The following SELENOF variants were observed in gnomAD, a reference collection of about 807,000 sequenced individuals.
The protein encoded by SELENOF is selenoprotein F.
In SELENOF, 16 loss-of-function variants were observed where a neutral mutation model predicts 20.5. The ratio of observed to expected loss-of-function variants is 0.78; its 90% CI spans 0.53 to 1.19. The LOEUF (loss-of-function observed/expected upper bound fraction) is 1.19, where lower values mean the gene tolerates loss of function less well. Ranked by LOEUF, SELENOF falls within the 50% of genes most tolerant of loss-of-function variation. The pLI is 0.00. For missense variants in SELENOF, 215 were observed against 194.2 expected (o/e 1.11, Z -0.64); for synonymous variants, 78 against 74.5 (o/e 1.05, Z -0.24).
intron 1 of SELENOF, among the ~76,000 whole-genome samples, chr1:86,908,009 A>C (rs957330125): frequency 1.1e-4 from 16 of 149,724 alleles, no homozygotes; most frequent in East Asian, 5.8e-4. Context: ...AAAAAAAAAA[A>C]CCAAGGCTCT....
intron 2 of SELENOF, among the ~76,000 whole-genome samples, chr1:86,902,990 T>C (rs1038073930): frequency 2.6e-5 from 4 of 152,226 alleles, no homozygotes; most frequent in African/African-American, 9.6e-5. Flanking sequence ...TTTGGCTTCA[T>C]TTGGCCAGAA....
intron 2 of SELENOF, 83 bp downstream of exon 2, chr1:86,903,198 C>T: frequency 8.1e-7 from 1 of 1,232,992 alleles, no homozygotes; most frequent in Non-Finnish European, 1.1e-6. Context: ...GGCTTTTTTA[C>T]ACTTAAATTG....
chr1:86,871,046 C>G (rs1658751757), intron 3 of SELENOF, among the ~76,000 whole-genome samples: 1 of 152,062 alleles, frequency 6.6e-6, no homozygotes, highest in Non-Finnish European at 1.5e-5. Context: ...AACGTAGATC[C>G]ATAGCTTCCT....
Position 86,887,823 on chromosome 1 carries a change from G to A in SELENOF, c.253-7098C>T, listed in dbSNP as rs141209051. ...GTATACTTTAGCTACAAGTATGAAT[G>A]ATCCAGGGTCATCACTTGGGAACAG... On this transcript the variant is annotated intron_variant, in intron 2 of 4. Transcript: ENST00000331835. Among the ~76,000 whole-genome samples the A allele has an allele frequency of 3.7e-3, 567 of 152,112 alleles. 5 individuals are homozygous for A. Among genetic ancestry groups the A allele is most frequent in the African/African-American group, 0.012 (502 of 41,478 alleles).
chr1:86,867,065 C>T (rs904721759), intron 4 of SELENOF, among the ~76,000 whole-genome samples: 5 of 152,132 alleles, frequency 3.3e-5, no homozygotes, highest in African/African-American at 1.2e-4. Flanking sequence ...TGTCCTTCCA[C>T]AGGTGAATGA....
intron 2 of SELENOF, among the ~76,000 whole-genome samples, chr1:86,884,636 T>C (rs1041634861): frequency 1.3e-5 from 2 of 152,170 alleles, no homozygotes; most frequent in Admixed American, 1.3e-4. Flanking sequence ...TTAACCAAGT[T>C]CCAACCTCAG....
Position 86,887,197 on chromosome 1 carries a change from C to A in SELENOF, c.253-6472G>T, listed in dbSNP as rs1391863787. On this transcript the variant is annotated intron_variant, in intron 2 of 4. Transcript: ENST00000331835. ...CTTGCTTAGAAACAATGGATGAATA[C>A]TGAGGATTAGGGGAAAAAAAATCAG... 3.9e-6 allele frequency: 6 copies of A among 1,540,964 alleles called. No homozygotes were observed. In the South Asian group the frequency reaches 6.1e-5, roughly 16 times the overall value.
intron 3 of SELENOF, among the ~76,000 whole-genome samples, 164 bp downstream of exon 3, chr1:86,880,498 C>T (rs1659040012): frequency 6.6e-6 from 1 of 151,218 alleles, no homozygotes; most frequent in Non-Finnish European, 1.5e-5. Context: ...TCACCAATTA[C>T]TTTAACAAAC....
chr1:86,905,548 C>G (rs759257165), intron 1 of SELENOF, among the ~76,000 whole-genome samples: 18 of 152,014 alleles, frequency 1.2e-4, no homozygotes, highest in Admixed American at 1.2e-3. Context: ...AAAACAGTAC[C>G]GTTCGTGACA....
chr1:86,887,061 C>T (rs922930761), intron 2 of SELENOF: 2 of 1,328,962 alleles, frequency 1.5e-6, no homozygotes, highest in Non-Finnish European at 2.0e-6. Flanking sequence ...ATATTATCAC[C>T]TAAACCATGT....
chr1:86,904,022 G>C (rs1193828599), intron 1 of SELENOF, among the ~76,000 whole-genome samples: 1 of 152,088 alleles, frequency 6.6e-6, no homozygotes, highest in Non-Finnish European at 1.5e-5. Context: ...CATTGTTCAT[G>C]ATGTTTATCA....
chr1:86,912,731 C>T (rs1660016204), intron 1 of SELENOF, among the ~76,000 whole-genome samples: 1 of 152,130 alleles, frequency 6.6e-6, no homozygotes. Flanking sequence ...TGGAACCTTT[C>T]GGTTTAGCTG....
chr1:86,906,851 C>T (rs1376468412), intron 1 of SELENOF, among the ~76,000 whole-genome samples: 1 of 152,174 alleles, frequency 6.6e-6, no homozygotes, highest in Non-Finnish European at 1.5e-5. Flanking sequence ...TTTTACGTCA[C>T]TAAATTTTAG....
intron 3 of SELENOF, among the ~76,000 whole-genome samples, chr1:86,873,785 G>A (rs935144957): frequency 2.6e-5 from 4 of 151,346 alleles, no homozygotes; most frequent in African/African-American, 9.7e-5. Context: ...CCAGAAGGTG[G>A]AAGTTGTGGT....
At chr1:86,907,357 G>A (rs1296055317) in intron 1 of SELENOF, among the ~76,000 whole-genome samples, 2 of 152,168 alleles carry the variant, frequency 1.3e-5, no homozygotes, top group Non-Finnish European at 2.9e-5. Context: ...GATAAGTATA[G>A]GGGAGATACA....
intron 2 of SELENOF, among the ~76,000 whole-genome samples, chr1:86,882,790 A>G (rs949901854): frequency 6.6e-6 from 1 of 152,216 alleles, no homozygotes; most frequent in Non-Finnish European, 1.5e-5. Context: ...AAAACAAAAT[A>G]TGGTATATAC....
At chr1:86,902,970 C>T (rs115853505) in intron 2 of SELENOF, among the ~76,000 whole-genome samples, 5,465 of 152,222 alleles carry the variant, frequency 0.036, 157 homozygotes, top group Non-Finnish European at 0.055. Context: ...AACAAAAGCA[C>T]CTATTATTTT....
intron 2 of SELENOF, among the ~76,000 whole-genome samples, chr1:86,892,688 C>T (rs189718101): frequency 1.1e-4 from 16 of 152,122 alleles, no homozygotes; most frequent in African/African-American, 2.9e-4. Context: ...GCTCTTTTAC[C>T]GAATTAAGAA....
intron 3 of SELENOF, among the ~76,000 whole-genome samples, chr1:86,873,179 C>CCTGGGAGG (rs1570376311): frequency 1.3e-5 from 2 of 151,816 alleles, no homozygotes; most frequent in East Asian, 3.9e-4. Context: ...ATTGTTTGAA[C>CCTGGGAGG]CTGGGAGGCA....
Sources: gnomAD v4.1 joint callset for allele counts (sites outside exome capture counted in the v4.1 genomes callset) on GRCh38, gnomAD v4.1.1 for gene constraint, MANE v1.5 for transcripts, NCBI Gene and HGNC (gene_info 2026-07-23, HGNC 2026-07-21) for gene names.